Variants in C3orf20 observed in about 807,000 individuals in gnomAD.
C3orf20 encodes family with sequence similarity 149 member C, also known as uncharacterized protein C3orf20.
C3orf20 carries 76 observed loss-of-function variants against 88.3 expected under a neutral mutation model. The ratio of observed to expected loss-of-function variants is 0.86; its 90% confidence interval spans 0.72 to 1.04. The LOEUF (loss-of-function observed/expected upper bound fraction) is 1.04, where lower values mean the gene tolerates loss of function less well. Ranked by LOEUF, C3orf20 falls within the 50% of genes least tolerant of loss-of-function variation. The probability of loss-of-function intolerance (pLI) is 0.00; values close to 1 mark genes in which losing one functional copy is unlikely to be tolerated. For missense variants in C3orf20, 1,056 were observed against 1,123.3 expected, an observed-to-expected ratio of 0.94 and a Z score of 0.86; for synonymous variants, 436 against 437.4, an observed-to-expected ratio of 1.00 and a Z score of 0.04.
At chr3:14,717,458 C>T (rs746027190) in intron 9 of C3orf20, among the ~76,000 whole-genome samples, 3 of 151,862 alleles carry the variant, frequency 2.0e-5, no homozygotes, top group Non-Finnish European at 2.9e-5. Flanking sequence ...TAGTGGGAGC[C>T]GAGTCTGCAA....
intron 15 of C3orf20, among the ~76,000 whole-genome samples, chr3:14,770,016 C>A (rs1490246846): frequency 6.6e-6 from 1 of 152,182 alleles, no homozygotes; most frequent in Admixed American, 6.5e-5. Flanking sequence ...GCACTCAACA[C>A]CAAACAGAGT....
At chr3:14,767,573 A>T (rs2035749798) in intron 15 of C3orf20, 1 of 152,262 alleles carries the variant, frequency 6.6e-6, no homozygotes, top group Non-Finnish European at 1.5e-5. Flanking sequence ...ACCTGTGATG[A>T]CAAAGTGTTC....
intron 13 of C3orf20, 54 bp downstream of exon 13, chr3:14,757,728 G>T: frequency 1.3e-6 from 2 of 1,529,130 alleles, no homozygotes; most frequent in Middle Eastern, 1.9e-4. Context: ...GGGTAGTGGG[G>T]CAGTCCGAGA....
chr3:14,724,966 C>G (rs1284365962), intron 10 of C3orf20, among the ~76,000 whole-genome samples: 1 of 152,062 alleles, frequency 6.6e-6, no homozygotes, highest in African/African-American at 2.4e-5. Flanking sequence ...ACAAACAGAC[C>G]AATACATTGA....
In C3orf20 at chr3:14,738,448, C is replaced by T. The variant is rs567228884; in HGVS notation, c.1940+9760C>T. Among the ~76,000 whole-genome samples, 17 of 151,714 alleles carry T rather than the reference C, an allele frequency of 1.1e-4. No homozygotes were observed. The South Asian group carries it at 3.5e-3, about 32-fold the overall frequency. ...GGTTCATGCCATTCTCCTGCCTCAG[C>T]CTCCCCAGTAGCTGGGACTACAGGC... is the stretch of plus-strand genomic sequence containing the variant. On this transcript the variant is annotated intron_variant, in intron 12 of 16. Transcript: ENST00000253697.
At chr3:14,716,121 G>A (rs2033932816) in intron 9 of C3orf20, among the ~76,000 whole-genome samples, 1 of 152,182 alleles carries the variant, frequency 6.6e-6, no homozygotes, top group Non-Finnish European at 1.5e-5. Context: ...CTAGATTCCA[G>A]TAGTATCCCC....
At chr3:14,722,199 A>G (rs1319073047) in intron 10 of C3orf20, 12 of 296,098 alleles carry the variant, frequency 4.1e-5, no homozygotes, top group South Asian at 3.1e-4. Flanking sequence ...CAAGATGACC[A>G]TGAACATCTC....
chr3:14,698,887 G>A (rs1450912471), intron 5 of C3orf20, among the ~76,000 whole-genome samples: 3 of 152,188 alleles, frequency 2.0e-5, no homozygotes, highest in African/African-American at 7.2e-5. Flanking sequence ...CCCCAGGCAG[G>A]TCCGGAAATG....
At chr3:14,727,998 G>C (rs1310650938) in intron 11 of C3orf20, among the ~76,000 whole-genome samples, 2 of 152,146 alleles carry the variant, frequency 1.3e-5, no homozygotes, top group East Asian at 1.9e-4. Context: ...TTCCAGTCTA[G>C]TAGGGAAAGC....
intron 12 of C3orf20, among the ~76,000 whole-genome samples, chr3:14,738,014 C>T (rs886147954): frequency 6.6e-6 from 1 of 152,154 alleles, no homozygotes; most frequent in African/African-American, 2.4e-5. Context: ...ACTTCTAATT[C>T]TAGCTTTGTT....
intron 7 of C3orf20, among the ~76,000 whole-genome samples, 175 bp from the exon 8 acceptor site, chr3:14,713,832 G>T (rs773379550): frequency 6.6e-6 from 1 of 152,178 alleles, no homozygotes; most frequent in African/African-American, 2.4e-5. Context: ...CTAGGTCATC[G>T]TTGGGTTCCA....
At chr3:14,740,216 G>A (rs2034860786) in intron 12 of C3orf20, among the ~76,000 whole-genome samples, 1 of 152,158 alleles carries the variant, frequency 6.6e-6, no homozygotes, top group African/African-American at 2.4e-5. Context: ...CTTTTCACTT[G>A]AATACTTAGG....
At chr3:14,752,466 C>T (rs1485011140) in intron 12 of C3orf20, among the ~76,000 whole-genome samples, 1 of 152,138 alleles carries the variant, frequency 6.6e-6, no homozygotes, top group African/African-American at 2.4e-5. Flanking sequence ...GCAATGGCAA[C>T]AATAGCCAAA....
At position 14,757,365 on chromosome 3, in the gene C3orf20, T is replaced by C; in HGVS notation, c.1941-6T>C. The stretch of plus-strand genomic sequence containing the variant: ...GGGTCCCTGTGCACTGTGCTCCTCC[T>C]TGCAGAGGGAAGGCCCGCGAGGGGC... On this transcript the variant is annotated splice_region_variant and splice_polypyrimidine_tract_variant and intron_variant, in intron 12 of 16. Transcript: ENST00000253697. 4.3e-6 allele frequency: 7 copies of C among 1,609,380 alleles called. No homozygotes were observed. The highest frequency in any genetic ancestry group is 5.9e-6 in the Non-Finnish European group (7 of 1,178,560).
At chr3:14,761,058 G>A (rs1351431708) in intron 14 of C3orf20, among the ~76,000 whole-genome samples, 1 of 152,080 alleles carries the variant, frequency 6.6e-6, no homozygotes, top group Non-Finnish European at 1.5e-5. Flanking sequence ...CCATTCCATG[G>A]GATAAGCTGA....
chr3:14,769,783 C>G (rs2035811141), intron 15 of C3orf20, among the ~76,000 whole-genome samples: 1 of 152,042 alleles, frequency 6.6e-6, no homozygotes, highest in South Asian at 2.1e-4. Flanking sequence ...GAGGGTGAGG[C>G]TGGAGACAGG....
rs2035891858 is a variant in C3orf20 at position 14,772,621 on chromosome 3, G to T, written c.2631-170G>T. On this transcript the variant is annotated intron_variant, in intron 16 of 16. Coordinates refer to ENST00000253697, the MANE Select transcript of C3orf20 (RefSeq NM_032137.5). The surrounding 1 kb of genome is among the most constrained non-coding windows in gnomAD (Gnocchi z 4.2). ...TGAAGATAGAAAAGCAAAATTAGGA[G>T]CATGTAGAAAGGTCGCAGGTGCCAC... Among the ~76,000 whole-genome samples the T allele has an allele frequency of 6.6e-6, 1 of 152,242 alleles. No homozygotes were observed. Among genetic ancestry groups the T allele is most frequent in the Admixed American group, 6.5e-5 (1 of 15,286 alleles).
chr3:14,748,581 C>T lies in C3orf20; in HGVS notation c.1941-8790C>T, dbSNP rs1470932546. 2.0e-5 allele frequency among the ~76,000 whole-genome samples: 3 copies of T among 152,240 alleles called. No homozygotes were observed. The East Asian group carries it at 5.8e-4, about 29-fold the overall frequency. ...AGATTTTCTTCTCTTTTAATGTAGG[C>T]ATTTACAGCTATAAATATTCCTGAC... On this transcript the variant is annotated intron_variant, in intron 12 of 16. Coordinates refer to ENST00000253697, the MANE Select transcript of C3orf20 (RefSeq NM_032137.5).
chr3:14,749,996 GA>G (rs35932310), intron 12 of C3orf20, among the ~76,000 whole-genome samples: 4,640 of 146,134 alleles, frequency 0.032, 222 homozygotes, highest in African/African-American at 0.11. Context: ...AAATCATACA[GA>G]AAAAAAAAAC....
Sources: allele counts gnomAD v4.1 joint callset (sites outside exome capture counted in the v4.1 genomes callset), GRCh38; gene constraint gnomAD v4.1.1; non-coding constraint Gnocchi (gnomAD v3.1); transcripts MANE v1.5; gene names NCBI Gene and HGNC (gene_info 2026-07-23, HGNC 2026-07-21).